CSMD2: variants seen among roughly 807,000 people sequenced by gnomAD.
CSMD2 encodes CUB and sushi domain-containing protein 2.
CSMD2 carries 130 observed loss-of-function variants against 398.5 expected under a neutral mutation model. That is an observed-to-expected ratio of 0.33 (90% CI 0.28 to 0.38). The LOEUF (loss-of-function observed/expected upper bound fraction) is 0.38. CSMD2 is among the 10% of genes least tolerant of loss of function. CSMD2 has a pLI of 1.00. For synonymous variants in CSMD2, 1,828 were observed against 1,908.5 expected, an observed-to-expected ratio of 0.96 and a Z score of 1.10; for missense variants, 3,829 against 4,764.9, an observed-to-expected ratio of 0.80 and a Z score of 5.78.
At chr1:34,128,255 T>C (rs9425996) in intron 1 of CSMD2, among the ~76,000 whole-genome samples, 56,015 of 152,012 alleles carry the variant, frequency 0.37, 11,301 homozygotes, top group East Asian at 0.68. Context: ...TGGAAGCTTC[T>C]GAGGCTCCTC....
At chr1:33,517,444 G>A (rs1653866897) in intron 70 of CSMD2, among the ~76,000 whole-genome samples, 2 of 152,300 alleles carry the variant, frequency 1.3e-5, no homozygotes, top group African/African-American at 4.8e-5. Context: ...GGAGGTCAGC[G>A]GCATTCTTGT....
In CSMD2 at chr1:33,829,988, G is replaced by A. The variant is rs563783121; in HGVS notation, c.1034-4214C>T. Among the ~76,000 whole-genome samples the A allele has an allele frequency of 7.2e-5, 11 of 152,354 alleles. No individual in the cohort carries two copies. In the South Asian group the frequency reaches 8.3e-4, roughly 11 times the overall value. Reference sequence around the variant, plus strand: ...CCCGCCATTGCCCAGGCTTCAGTAGGTAAACAAAGCAGCTGGGAAGCTCGA... The same window carrying A: ...CCCGCCATTGCCCAGGCTTCAGTAGATAAACAAAGCAGCTGGGAAGCTCGA... On this transcript the variant is annotated intron_variant, in intron 6 of 70. Coordinates refer to ENST00000373381, the MANE Select transcript of CSMD2 (RefSeq NM_001281956.2).
At chr1:34,061,879 C>T (rs763946837) in intron 2 of CSMD2, among the ~76,000 whole-genome samples, 1 of 152,126 alleles carries the variant, frequency 6.6e-6, no homozygotes, top group Non-Finnish European at 1.5e-5. Flanking sequence ...CCATTATTGC[C>T]GTCTATGCAC....
chr1:33,725,925 T>TAA (rs1409993097), intron 16 of CSMD2, among the ~76,000 whole-genome samples: 7 of 140,740 alleles, frequency 5.0e-5, no homozygotes, highest in African/African-American at 1.8e-4. Context: ...AAAGAGATCT[T>TAA]AAAAAAAAAA....
chr1:33,998,735 C>T (rs1375425581), intron 3 of CSMD2, among the ~76,000 whole-genome samples: 1 of 152,192 alleles, frequency 6.6e-6, no homozygotes, highest in African/African-American at 2.4e-5. Flanking sequence ...AGGCAGGGCC[C>T]CTGGTTAAAA....
chr1:34,020,792 G>T (rs977130466), intron 3 of CSMD2, among the ~76,000 whole-genome samples: 1 of 152,254 alleles, frequency 6.6e-6, no homozygotes, highest in Non-Finnish European at 1.5e-5. Context: ...GTCGGTTGTT[G>T]TCTATAAAGC....
chr1:33,977,572 A>G (rs1259281788), intron 3 of CSMD2, among the ~76,000 whole-genome samples: 1 of 151,918 alleles, frequency 6.6e-6, no homozygotes, highest in African/African-American at 2.4e-5. Context: ...AGGGACCCTC[A>G]GGACACCCCA....
At chr1:33,575,690 A>G (rs922645475) in intron 49 of CSMD2, among the ~76,000 whole-genome samples, 3 of 152,182 alleles carry the variant, frequency 2.0e-5, no homozygotes, top group African/African-American at 4.8e-5. Flanking sequence ...GGCGCTCCGG[A>G]AAAAAGACTT....
At chr1:33,936,345 GGAA>G (rs1644479867) in intron 3 of CSMD2, among the ~76,000 whole-genome samples, 1 of 152,210 alleles carries the variant, frequency 6.6e-6, no homozygotes, top group African/African-American at 2.4e-5. Flanking sequence ...TAAATACCAT[GGAA>G]GGGACATAAG....
chr1:33,634,955 C>G (rs1642708208), intron 31 of CSMD2, among the ~76,000 whole-genome samples: 1 of 152,146 alleles, frequency 6.6e-6, no homozygotes. Flanking sequence ...TGCCTTCCCT[C>G]TGTCTTGGCC....
chr1:33,793,026 CTT>C (rs200561172), intron 10 of CSMD2, among the ~76,000 whole-genome samples: 1,868 of 152,320 alleles, frequency 0.012, 41 homozygotes, highest in Non-Finnish European at 0.012. Context: ...ATTCCCCCCT[CTT>C]GTTTTAATCC....
At chr1:33,824,433 G>A (rs1658546370) in intron 7 of CSMD2, among the ~76,000 whole-genome samples, 1 of 152,188 alleles carries the variant, frequency 6.6e-6, no homozygotes, top group South Asian at 2.1e-4. Context: ...GTTCCTGGCT[G>A]TATCCAACAG....
intron 5 of CSMD2, among the ~76,000 whole-genome samples, chr1:33,897,561 A>C (rs887433024): frequency 2.6e-4 from 39 of 152,298 alleles, no homozygotes; most frequent in African/African-American, 9.1e-4. Flanking sequence ...CCACATCATG[A>C]CTGAGGTCAA....
intron 1 of CSMD2, among the ~76,000 whole-genome samples, chr1:34,109,401 G>C (rs984091374): frequency 1.3e-5 from 2 of 152,182 alleles, no homozygotes; most frequent in Non-Finnish European, 2.9e-5. Flanking sequence ...CCCTGGCTCA[G>C]CTCAGACCAG....
intron 3 of CSMD2, among the ~76,000 whole-genome samples, chr1:34,031,765 CAA>C (rs556094322): frequency 0.012 from 833 of 71,248 alleles, 4 homozygotes; most frequent in African/African-American, 0.023. Context: ...AAGGCAAAGG[CAA>C]AAAAAAAAAA....
At chr1:33,831,617 A>C (rs1192469474) in intron 6 of CSMD2, among the ~76,000 whole-genome samples, 2 of 152,102 alleles carry the variant, frequency 1.3e-5, no homozygotes, top group African/African-American at 4.8e-5. Context: ...CGAGCAAAAT[A>C]ACCAGCTAAC....
At chr1:34,016,051 G>A (rs1048876856) in intron 3 of CSMD2, among the ~76,000 whole-genome samples, 2 of 151,436 alleles carry the variant, frequency 1.3e-5, no homozygotes, top group African/African-American at 4.9e-5. Context: ...GTGTATGTGT[G>A]TATTTAGTTT....
At chr1:33,545,974 C>G in intron 57 of CSMD2, 63 bp downstream of exon 57, 1 of 1,503,818 alleles carries the variant, frequency 6.6e-7, no homozygotes, top group East Asian at 2.3e-5. Flanking sequence ...GGAATAAGAG[C>G]AGGAGCAGGG....
Position 33,716,499 on chromosome 1 carries a change from C to T in CSMD2, c.3004G>A (p.Val1002Met), listed in dbSNP as rs1646172517. The T allele has an allele frequency of 6.2e-7, 1 of 1,611,472 alleles. No individual in the cohort carries two copies. Among genetic ancestry groups the T allele is most frequent in the East Asian group, 2.2e-5 (1 of 44,848 alleles). Reference sequence around the variant, plus strand: ...TGGAAGGTGTGGAAAGTGAAGAACACACCTGCCAAGAGACCAGAGGGTCAG... The same window carrying T: ...TGGAAGGTGTGGAAAGTGAAGAACATACCTGCCAAGAGACCAGAGGGTCAG... ...WIIETSHGKG[V>M]FFTFHTFHLE... Residue 1002 changes from valine to methionine, a missense_variant and splice_region_variant, in exon 20 of 71, where the codon GTG becomes ATG. By Grantham distance (21) the Val-to-Met change is conservative. This residue lies in a region of CSMD2 where 2,001 missense variants were observed against 2,567.1 expected (regional missense o/e 0.78). Coordinates refer to ENST00000373381, the MANE Select transcript of CSMD2 (RefSeq NM_001281956.2).
Sources: allele counts gnomAD v4.1 joint callset (sites outside exome capture counted in the v4.1 genomes callset), GRCh38; gene constraint gnomAD v4.1.1; regional missense constraint gnomAD v4.1.1; transcripts MANE v1.5; gene names NCBI Gene and HGNC (gene_info 2026-07-23, HGNC 2026-07-21).